MED28: variants seen among roughly 807,000 people sequenced by gnomAD.
The protein encoded by MED28 is mediator complex subunit 28, also known as mediator of RNA polymerase II transcription subunit 28.
A neutral mutation model predicts 21.3 loss-of-function variants in MED28; 26 were observed. The observed-to-expected ratio is 1.22, with a 90% CI of 0.89 to 1.69. The LOEUF is 1.69. Among genes scored for constraint, MED28 ranks in the 40% most tolerant of loss-of-function variants. The pLI, the probability that MED28 is intolerant of heterozygous loss-of-function variation, is 0.00. For synonymous variants in MED28, 110 were observed against 87.6 expected (o/e 1.26, Z -1.43); for missense variants, 257 against 215.4 (o/e 1.19, Z -1.21).
chr4:17,631,291 G>A lies in MED28; in HGVS notation c.*7493G>A, dbSNP rs1453874023. On this transcript the variant is annotated 3_prime_UTR_variant, in exon 4 of 4. Transcript: ENST00000237380. ...GGTCTCGAACTCTTGGGCTCATGCTGTCCTACCTCAGACTTCCAAGTAGCT... is the reference window on the plus strand; with the variant it reads ...GGTCTCGAACTCTTGGGCTCATGCTATCCTACCTCAGACTTCCAAGTAGCT... 6.6e-6 allele frequency: 1 copy of A among 151,962 alleles called. No individual in the cohort carries two copies. Among genetic ancestry groups the A allele is most frequent in the Non-Finnish European group, 1.5e-5 (1 of 68,050 alleles). The allele number at this position is 151,962 out of a possible 1,614,324, so 9.4% of individuals were successfully genotyped here. A position where few individuals can be genotyped will look rare whatever the true frequency, so the allele number is the denominator to read the frequency against.
rs888152810 is a variant in MED28 at position 17,627,458 on chromosome 4, C to G, written c.*3660C>G. The G allele has an allele frequency of 6.6e-6, 1 of 150,904 alleles. No homozygotes were observed. Among genetic ancestry groups the G allele is most frequent in the Non-Finnish European group, 1.5e-5 (1 of 68,204 alleles). 9.3% of individuals were successfully genotyped at this position (150,904 alleles called of 1,614,324 possible). On this transcript the variant is annotated 3_prime_UTR_variant, in exon 4 of 4. Transcript: ENST00000237380. ...CTTCCCTTCTTTCCTCTTTTCTCCT[C>G]CACCCAAATGTCTTAACTGTTAACA...
intron 1 of MED28, 73 bp downstream of exon 1, chr4:17,614,886 T>C: frequency 6.7e-7 from 1 of 1,492,512 alleles, no homozygotes; most frequent in Non-Finnish European, 9.0e-7. Context: ...CGTACGCGTA[T>C]CTCCTCCAGG....
chr4:17,615,491 A>G (rs1207603957), intron 1 of MED28, among the ~76,000 whole-genome samples: 1 of 152,228 alleles, frequency 6.6e-6, no homozygotes, highest in Non-Finnish European at 1.5e-5. Context: ...ATGTACGTTC[A>G]AATTGGAGTT....
chr4:17,621,569 T>G lies in MED28; in HGVS notation c.227-18T>G. Reference sequence around the variant, plus strand: ...GTTGTTTTTCTTATTTTAATAATTTTGTTCCTTTTTTTTTAAGGTGTTGAT... The same window carrying G: ...GTTGTTTTTCTTATTTTAATAATTTGGTTCCTTTTTTTTTAAGGTGTTGAT... On this transcript the variant is annotated intron_variant, in intron 2 of 3. Transcript: ENST00000237380. The G allele has an allele frequency of 6.8e-7, 1 of 1,477,546 alleles. No individual in the cohort carries two copies. The highest frequency in any genetic ancestry group is 9.2e-7 in the Non-Finnish European group (1 of 1,090,060). The allele number at this position is 1,477,546 out of a possible 1,614,324, so 91.5% of individuals were successfully genotyped here.
intron 3 of MED28, among the ~76,000 whole-genome samples, chr4:17,622,271 C>G (rs1168107771): frequency 6.6e-6 from 1 of 152,110 alleles, no homozygotes; most frequent in Admixed American, 6.6e-5. Flanking sequence ...ATCATCCTGC[C>G]CAAAAAGCCG....
At chr4:17,616,787 T>C (rs188586740) in intron 1 of MED28, among the ~76,000 whole-genome samples, 1 of 152,270 alleles carries the variant, frequency 6.6e-6, no homozygotes, top group East Asian at 1.9e-4. Flanking sequence ...ACAGTGGTAG[T>C]AGATAGCAAG....
chr4:17,621,518 C>A, intron 2 of MED28, 69 bp from the exon 3 acceptor site: 2 of 1,041,646 alleles, frequency 1.9e-6, no homozygotes, highest in Non-Finnish European at 2.8e-6. Flanking sequence ...TCTGATTATT[C>A]ATTTATGAGG....
intron 1 of MED28, among the ~76,000 whole-genome samples, chr4:17,616,529 C>A (rs1048141008): frequency 3.3e-5 from 5 of 152,224 alleles, no homozygotes; most frequent in Non-Finnish European, 5.9e-5. Flanking sequence ...TGTGGTCTCC[C>A]AGGCTTTGCA....
chr4:17,622,945 T>A (rs184132428), intron 3 of MED28, among the ~76,000 whole-genome samples: 1 of 152,278 alleles, frequency 6.6e-6, no homozygotes, highest in East Asian at 1.9e-4. Flanking sequence ...CTTGCCCCCG[T>A]GATTCAATTA....
chr4:17,625,473 T>C lies in MED28; in HGVS notation c.*1675T>C, dbSNP rs960036757. 7.7e-6 allele frequency: 2 copies of C among 260,694 alleles called. No homozygotes were observed. The highest frequency in any genetic ancestry group is 4.6e-5 in the African/African-American group (2 of 43,642). The allele number at this position is 260,694 out of a possible 1,614,324, so 16.1% of individuals were successfully genotyped here. ...GCTTTGTATTTCTTGACTAAAAACC[T>C]AAATAAACTGATTAGGTTTTAGGCG... is the stretch of plus-strand genomic sequence containing the variant. On this transcript the variant is annotated 3_prime_UTR_variant, in exon 4 of 4. Transcript: ENST00000237380.
intron 1 of MED28, among the ~76,000 whole-genome samples, chr4:17,616,129 T>A (rs931054479): frequency 1.3e-5 from 2 of 152,116 alleles, no homozygotes; most frequent in Non-Finnish European, 2.9e-5. Flanking sequence ...CTATTTTTTT[T>A]ATTTTTTAGT....
chr4:17,626,744 C>G lies in MED28; in HGVS notation c.*2946C>G, dbSNP rs1714779265. 6.6e-6 allele frequency: 1 copy of G among 152,120 alleles called. No individual in the cohort carries two copies. Among genetic ancestry groups the G allele is most frequent in the African/African-American group, 2.4e-5 (1 of 41,358 alleles). The allele number at this position is 152,120 out of a possible 1,614,324, so 9.4% of individuals were successfully genotyped here. On this transcript the variant is annotated 3_prime_UTR_variant, in exon 4 of 4. Coordinates refer to ENST00000237380, the MANE Select transcript of MED28 (RefSeq NM_025205.5). ...TGTAGTGCAGTGGCACAACGGGGTC[C>G]CACAGGCAAGTGCTGGGGAAAGGCC...
intron 1 of MED28, among the ~76,000 whole-genome samples, chr4:17,615,602 G>A (rs999731954): frequency 3.3e-5 from 5 of 152,178 alleles, no homozygotes; most frequent in African/African-American, 1.2e-4. Context: ...ATGAGGTCAG[G>A]AGTTCGAGAC....
chr4:17,622,407 C>T (rs1273014888), intron 3 of MED28, among the ~76,000 whole-genome samples: 1 of 152,174 alleles, frequency 6.6e-6, no homozygotes, highest in African/African-American at 2.4e-5. Flanking sequence ...GATAGCTATT[C>T]TTACAGTTTA....
rs6847966 is a variant in MED28 at position 17,632,632 on chromosome 4, G to A, written c.*8834G>A. ...CGTTTCACCATCTGGGGTCCTAAAAGCAAAAAAAGGTTTTTTTATATGGTT... is the reference window on the plus strand; with the variant it reads ...CGTTTCACCATCTGGGGTCCTAAAAACAAAAAAAGGTTTTTTTATATGGTT... On this transcript the variant is annotated 3_prime_UTR_variant, in exon 4 of 4. Coordinates refer to ENST00000237380, the MANE Select transcript of MED28 (RefSeq NM_025205.5). 942,046 of 1,539,206 alleles carry A rather than the reference G, an allele frequency of 0.61. 292,170 individuals carry two copies. The highest frequency in any genetic ancestry group is 0.91 in the East Asian group (37,035 of 40,818).
At position 17,628,841 on chromosome 4, in the gene MED28, C is replaced by G. The variant is rs1714843754; in HGVS notation, c.*5043C>G. ...GTGGCCCAGTTGCTGAGGATTCCACCAGTGGTACCCTGGGAAAATATCCCT... is the reference window on the plus strand; with the variant it reads ...GTGGCCCAGTTGCTGAGGATTCCACGAGTGGTACCCTGGGAAAATATCCCT... On this transcript the variant is annotated 3_prime_UTR_variant, in exon 4 of 4. Coordinates refer to ENST00000237380, the MANE Select transcript of MED28 (RefSeq NM_025205.5). 1 of 152,306 alleles carries G rather than the reference C, an allele frequency of 6.6e-6. No homozygotes were observed. Among genetic ancestry groups the G allele is most frequent in the African/African-American group, 2.4e-5 (1 of 41,434 alleles). 9.4% of individuals were successfully genotyped at this position (152,306 alleles called of 1,614,324 possible).
rs1714993987 is a variant in MED28, at chr4:17,632,660, G to C, written c.*8862G>C. The stretch of plus-strand genomic sequence containing the variant: ...AAAAAAGGTTTTTTTATATGGTTTT[G>C]AAAACTATGCAAGAAGCAGCTTAAT... On this transcript the variant is annotated 3_prime_UTR_variant, in exon 4 of 4. Transcript: ENST00000237380. The C allele has an allele frequency of 7.1e-7, 1 of 1,406,162 alleles. No homozygotes were observed. Among genetic ancestry groups the C allele is most frequent in the African/African-American group, 1.4e-5 (1 of 69,986 alleles). 87.1% of individuals were successfully genotyped at this position (1,406,162 alleles called of 1,614,324 possible).
Position 17,614,687 on chromosome 4 carries a change from G to T in MED28, c.33G>T (p.Gly11=). MAAPLGGMFS[G]QPPGPPQAPP... ...CTCCACTAGGGGGTATGTTTTCTGG[G>T]CAGCCACCCGGTCCCCCTCAGGCCC... is the stretch of plus-strand genomic sequence containing the variant. The change falls in exon 1 of 4, where the codon GGG becomes GGT. Residue 11 remains glycine, a synonymous_variant. Coordinates refer to ENST00000237380, the MANE Select transcript of MED28 (RefSeq NM_025205.5). The T allele has an allele frequency of 6.2e-7, 1 of 1,613,658 alleles. No homozygotes were observed. The highest frequency in any genetic ancestry group is 1.1e-5 in the South Asian group (1 of 91,078).
chr4:17,620,985 G>A (rs1332123822), intron 2 of MED28, among the ~76,000 whole-genome samples: 1 of 151,152 alleles, frequency 6.6e-6, no homozygotes, highest in Admixed American at 6.6e-5. Context: ...TGGGATTACA[G>A]GCGTGAGCCA....
Sources: allele counts gnomAD v4.1 joint callset (sites outside exome capture counted in the v4.1 genomes callset), GRCh38; gene constraint gnomAD v4.1.1; transcripts MANE v1.5; gene names NCBI Gene and HGNC (gene_info 2026-07-23, HGNC 2026-07-21).